The following NYAP2 variants were observed in gnomAD, a reference collection of about 807,000 sequenced individuals.
NYAP2 encodes the protein neuronal tyrosine-phosphorylated phosphoinositide-3-kinase adapter 2.
In NYAP2, 23 loss-of-function variants were observed where a neutral mutation model predicts 50.4. That is an observed-to-expected ratio of 0.46 (90% CI 0.33 to 0.65). The LOEUF (loss-of-function observed/expected upper bound fraction) is 0.65. NYAP2 is among the 30% of genes least tolerant of loss of function. The probability of loss-of-function intolerance (pLI) is 0.02; values close to 1 mark genes in which losing one functional copy is unlikely to be tolerated. For synonymous variants in NYAP2, 394 were observed against 365.2 expected, an observed-to-expected ratio of 1.08 and a Z score of -0.90; for missense variants, 885 against 861.0, an observed-to-expected ratio of 1.03 and a Z score of -0.35.
At chr2:225,671,318 T>G in the NYAP2 span, among the ~76,000 whole-genome samples, 1 of 152,188 alleles carries the variant, frequency 6.6e-6, no homozygotes, top group Non-Finnish European at 1.5e-5. Flanking sequence ...AATCCTTTCT[T>G]GTCATTTCCA....
At chr2:225,426,904 A>G (rs1475048819) in intron 3 of NYAP2, among the ~76,000 whole-genome samples, 1 of 152,226 alleles carries the variant, frequency 6.6e-6, no homozygotes, top group African/African-American at 2.4e-5. Context: ...AGTTTTTCTC[A>G]GATTTGGATT....
chr2:225,657,102 CTTTT>C (rs375126014), downstream of NYAP2, among the ~76,000 whole-genome samples: 5 of 101,078 alleles, frequency 4.9e-5, no homozygotes, highest in Non-Finnish European at 9.3e-5. Context: ...AATCTAATTC[CTTTT>C]TTTTTTTTTT....
intron 3 of NYAP2, among the ~76,000 whole-genome samples, chr2:225,506,485 T>C (rs1004513755): frequency 1.3e-5 from 2 of 152,220 alleles, no homozygotes; most frequent in Non-Finnish European, 2.9e-5. Context: ...CTAGTGGCTC[T>C]CTAGATGGCC....
chr2:225,650,932 GA>G, intron 6 of NYAP2, among the ~76,000 whole-genome samples: 1 of 152,314 alleles, frequency 6.6e-6, no homozygotes, highest in South Asian at 2.1e-4. Context: ...AAAAGTCTTG[GA>G]AGACAGTTAT....
chr2:225,436,578 C>T (rs1230032684), intron 3 of NYAP2, among the ~76,000 whole-genome samples: 1 of 151,952 alleles, frequency 6.6e-6, no homozygotes, highest in East Asian at 1.9e-4. Flanking sequence ...ATTGCAATGA[C>T]CTTATTTCCC....
the NYAP2 span, among the ~76,000 whole-genome samples, chr2:225,659,468 A>G: frequency 6.6e-6 from 1 of 152,150 alleles, no homozygotes; most frequent in Non-Finnish European, 1.5e-5. Flanking sequence ...GGGTACTATT[A>G]TTATCCCACA....
rs553751452 is a variant in NYAP2, at chr2:225,473,302, A to T, written c.222-40069A>T. Among the ~76,000 whole-genome samples the T allele has an allele frequency of 2.3e-3, 357 of 152,336 alleles. 2 individuals are homozygous for T. Among genetic ancestry groups the T allele is most frequent in the African/African-American group, 8.1e-3 (337 of 41,570 alleles). ...ATGTGTCTTTATAGCAGCATGATTT[A>T]TAATCCTTTGGGTATATACCCAGTA... On this transcript the variant is annotated intron_variant, in intron 3 of 6. Coordinates refer to ENST00000636099, the Ensembl canonical transcript of NYAP2.
intron 4 of NYAP2, among the ~76,000 whole-genome samples, chr2:225,572,059 C>T (rs1274537194): frequency 4.6e-5 from 7 of 152,192 alleles, no homozygotes; most frequent in Non-Finnish European, 2.9e-5. Flanking sequence ...CCAAGAAGTT[C>T]CTCATCTCCA....
intron 4 of NYAP2, among the ~76,000 whole-genome samples, chr2:225,547,821 G>T (rs960915345): frequency 6.6e-6 from 1 of 152,164 alleles, no homozygotes; most frequent in Non-Finnish European, 1.5e-5. Flanking sequence ...GCTATTTTGT[G>T]TGTAGACAGT....
the NYAP2 span, among the ~76,000 whole-genome samples, chr2:225,673,128 AAG>A: frequency 6.6e-6 from 1 of 152,028 alleles, no homozygotes. Flanking sequence ...GTGGCAGGCA[AAG>A]AGAGAGTTCT....
intron 3 of NYAP2, among the ~76,000 whole-genome samples, chr2:225,433,459 G>A (rs1689305375): frequency 6.6e-6 from 1 of 151,576 alleles, no homozygotes; most frequent in South Asian, 2.1e-4. Context: ...AAAATTTATA[G>A]GTAACCATAA....
chr2:225,477,778 C>T (rs1464598370), intron 3 of NYAP2, among the ~76,000 whole-genome samples: 3 of 152,058 alleles, frequency 2.0e-5, no homozygotes, highest in Admixed American at 6.5e-5. Context: ...CATATACATA[C>T]ACATGTATAT....
the NYAP2 span, among the ~76,000 whole-genome samples, chr2:225,683,218 A>G: frequency 6.6e-6 from 1 of 152,082 alleles, no homozygotes; most frequent in Non-Finnish European, 1.5e-5. Context: ...TTACTATTCT[A>G]TTTCTGAGCC....
At chr2:225,480,975 T>C (rs1382241889) in intron 3 of NYAP2, among the ~76,000 whole-genome samples, 1 of 152,072 alleles carries the variant, frequency 6.6e-6, no homozygotes, top group Admixed American at 6.6e-5. Context: ...CCCTAACAAT[T>C]CAACAAGAGT....
At chr2:225,478,684 T>C (rs758492808) in intron 3 of NYAP2, among the ~76,000 whole-genome samples, 2 of 152,254 alleles carry the variant, frequency 1.3e-5, no homozygotes, top group Non-Finnish European at 2.9e-5. Flanking sequence ...AAAAACAAAA[T>C]TGATGACAAA....
At chr2:225,666,856 A>T in the NYAP2 span, among the ~76,000 whole-genome samples, 3 of 110,448 alleles carry the variant, frequency 2.7e-5, no homozygotes, top group Non-Finnish European at 5.2e-5. Context: ...ATGCCCCCCC[A>T]CCCCCCCAAC....
At chr2:225,421,844 A>G (rs1306829546) in intron 3 of NYAP2, among the ~76,000 whole-genome samples, 1 of 152,214 alleles carries the variant, frequency 6.6e-6, no homozygotes, top group Non-Finnish European at 1.5e-5. Context: ...TACAAATAGC[A>G]TATTTTCTTT....
intron 3 of NYAP2, among the ~76,000 whole-genome samples, chr2:225,419,068 C>A (rs1356041774): frequency 1.3e-5 from 2 of 152,174 alleles, no homozygotes; most frequent in African/African-American, 4.8e-5. Context: ...TGAACAATTG[C>A]CTAGAGGTCT....
At chr2:225,595,273 A>C (rs555114397) in intron 5 of NYAP2, among the ~76,000 whole-genome samples, 6 of 152,320 alleles carry the variant, frequency 3.9e-5, no homozygotes, top group Middle Eastern at 3.4e-3. Flanking sequence ...CCAACGTTAG[A>C]TCCAACCATA....
Sources: allele counts gnomAD v4.1 joint callset (sites outside exome capture counted in the v4.1 genomes callset), GRCh38; gene constraint gnomAD v4.1.1; transcripts MANE v1.5; gene names NCBI Gene and HGNC (gene_info 2026-07-23, HGNC 2026-07-21).